HEMK2: variants seen among roughly 807,000 people sequenced by gnomAD.
HEMK2 encodes HemK methyltransferase 2, ETF1 glutamine and histone H4 lysine, also known as methyltransferase HEMK2.
the HEMK2 span, among the ~76,000 whole-genome samples, chr21:28,640,320 A>T: frequency 1.3e-5 from 2 of 152,234 alleles, no homozygotes; most frequent in Non-Finnish European, 2.9e-5. Context: ...CTTTAGGCTC[A>T]TGATGGCTCA....
the HEMK2 span, among the ~76,000 whole-genome samples, chr21:28,848,029 T>C: frequency 6.6e-6 from 1 of 152,248 alleles, no homozygotes; most frequent in Non-Finnish European, 1.5e-5. Flanking sequence ...TGTAGCCTTA[T>C]AGTACAGTTT....
chr21:28,834,814 G>A, the HEMK2 span, among the ~76,000 whole-genome samples: 1 of 152,060 alleles, frequency 6.6e-6, no homozygotes, highest in African/African-American at 2.4e-5. Flanking sequence ...GGGCATGGTG[G>A]GAGTGAGATG....
chr21:28,617,429 T>TA, the HEMK2 span, among the ~76,000 whole-genome samples: 1 of 152,262 alleles, frequency 6.6e-6, no homozygotes, highest in Non-Finnish European at 1.5e-5. Flanking sequence ...ATGGTGTCAG[T>TA]ATCAAATCTC....
the HEMK2 span, among the ~76,000 whole-genome samples, chr21:28,822,856 T>C: frequency 1.4e-5 from 2 of 146,282 alleles, no homozygotes; most frequent in Non-Finnish European, 2.9e-5. Flanking sequence ...ATCCCAGATA[T>C]TAACGTCCAT....
chr21:28,863,500 C>T, the HEMK2 span, among the ~76,000 whole-genome samples: 10 of 129,728 alleles, frequency 7.7e-5, no homozygotes, highest in African/African-American at 2.9e-4. Context: ...CTAGAGAACG[C>T]TAATAAACCA....
chr21:28,587,187 A>C, the HEMK2 span, among the ~76,000 whole-genome samples: 1 of 151,658 alleles, frequency 6.6e-6, no homozygotes, highest in South Asian at 2.1e-4. Context: ...AAAAAAAAAA[A>C]AACACTTCAA....
At chr21:28,814,358 C>T in the HEMK2 span, among the ~76,000 whole-genome samples, 65,753 of 150,700 alleles carry the variant, frequency 0.44, 15,613 homozygotes, top group East Asian at 0.7. Flanking sequence ...AAAGCAATGG[C>T]AACAAAAGAC....
At chr21:28,604,826 C>T in the HEMK2 span, among the ~76,000 whole-genome samples, 1 of 152,160 alleles carries the variant, frequency 6.6e-6, no homozygotes, top group Non-Finnish European at 1.5e-5. Context: ...ATGTCTTTGC[C>T]CACTTTCCTG....
chr21:28,754,320 T>C, the HEMK2 span, among the ~76,000 whole-genome samples: 1 of 152,196 alleles, frequency 6.6e-6, no homozygotes, highest in Admixed American at 6.5e-5. Context: ...GGTGAACCAA[T>C]CAACAGGGGG....
At chr21:28,874,687 T>C in the HEMK2 span, 44 of 152,376 alleles carry the variant, frequency 2.9e-4, 1 homozygote, top group African/African-American at 9.6e-4. Flanking sequence ...GCTAACCCTT[T>C]GGTGAGCATT....
the HEMK2 span, among the ~76,000 whole-genome samples, chr21:28,747,653 T>C: frequency 6.6e-6 from 1 of 152,324 alleles, no homozygotes; most frequent in South Asian, 2.1e-4. Context: ...TTCCTCTAGA[T>C]AAATGTGGTA....
the HEMK2 span, among the ~76,000 whole-genome samples, chr21:28,723,210 C>G: frequency 6.6e-6 from 1 of 151,290 alleles, no homozygotes. Context: ...GAGACAGAGT[C>G]TTGTTATGTT....
the HEMK2 span, chr21:28,671,036 T>C: frequency 6.6e-6 from 1 of 152,198 alleles, no homozygotes; most frequent in Admixed American, 6.5e-5. Flanking sequence ...ATATATTGTA[T>C]ATCTGAGTTG....
chr21:28,793,720 G>C, the HEMK2 span, among the ~76,000 whole-genome samples: 1 of 152,152 alleles, frequency 6.6e-6, no homozygotes, highest in African/African-American at 2.4e-5. Flanking sequence ...TAAGAATCTT[G>C]AAAACAGATC....
chr21:28,665,342 T>A, the HEMK2 span, among the ~76,000 whole-genome samples: 7 of 134,880 alleles, frequency 5.2e-5, no homozygotes, highest in African/African-American at 2.1e-4. Flanking sequence ...TTCTTTTTTT[T>A]TTTTTTTTTT....
At chr21:28,678,652 G>A in the HEMK2 span, among the ~76,000 whole-genome samples, 12 of 152,286 alleles carry the variant, frequency 7.9e-5, no homozygotes, top group African/African-American at 2.4e-4. Flanking sequence ...GAGAAAGGTC[G>A]GGTAACCCAC....
At chr21:28,659,243 C>T in the HEMK2 span, among the ~76,000 whole-genome samples, 8 of 151,984 alleles carry the variant, frequency 5.3e-5, no homozygotes, top group African/African-American at 1.7e-4. Context: ...TTTGAAAAGC[C>T]TTGTTCTACA....
At chr21:28,820,922 G>A in the HEMK2 span, among the ~76,000 whole-genome samples, 2 of 152,112 alleles carry the variant, frequency 1.3e-5, no homozygotes, top group Non-Finnish European at 1.5e-5. Context: ...TTCTCGACAC[G>A]TACATCAAGG....
the HEMK2 span, among the ~76,000 whole-genome samples, chr21:28,640,157 G>C: frequency 2.6e-5 from 4 of 152,196 alleles, no homozygotes; most frequent in Non-Finnish European, 5.9e-5. Context: ...CCAGGGAATG[G>C]GGAGGGAAGA....
Sources: gnomAD v4.1 joint callset for allele counts (sites outside exome capture counted in the v4.1 genomes callset) on GRCh38, gnomAD v4.1.1 for gene constraint, MANE v1.5 for transcripts, NCBI Gene and HGNC (gene_info 2026-07-23, HGNC 2026-07-21) for gene names.